IMMP2L: variants seen among roughly 807,000 people sequenced by gnomAD.
IMMP2L encodes the protein mitochondrial inner membrane protease subunit 2.
A neutral mutation model predicts 19.3 loss-of-function variants in IMMP2L; 18 were observed. The observed-to-expected ratio is 0.93, with a 90% CI of 0.64 to 1.38. The LOEUF is 1.38. Ranked by LOEUF, IMMP2L falls within the 40% of genes most tolerant of loss-of-function variation. The probability of loss-of-function intolerance (pLI) is 0.00; values close to 1 mark genes in which losing one functional copy is unlikely to be tolerated. For synonymous variants in IMMP2L, 76 were observed against 73.0 expected (o/e 1.04, Z -0.21); for missense variants, 233 against 218.2 (o/e 1.07, Z -0.43).
chr7:110,697,868 A>G (rs1396825751), intron 5 of IMMP2L, among the ~76,000 whole-genome samples: 1 of 152,198 alleles, frequency 6.6e-6, no homozygotes, highest in Non-Finnish European at 1.5e-5. Context: ...TGTGCACATT[A>G]TTTGGAAGGA....
chr7:110,962,803 T>C (rs752910932), intron 4 of IMMP2L: 196 of 1,186,912 alleles, frequency 1.7e-4, no homozygotes, highest in Non-Finnish European at 1.9e-4. Flanking sequence ...GAAAACAGGG[T>C]CAGAAAACTT....
At chr7:111,373,936 T>A (rs1400240293) in intron 3 of IMMP2L, among the ~76,000 whole-genome samples, 2 of 151,996 alleles carry the variant, frequency 1.3e-5, no homozygotes, top group Non-Finnish European at 2.9e-5. Context: ...CAAATCGAAG[T>A]TGAGGTGGGT....
intron 3 of IMMP2L, among the ~76,000 whole-genome samples, chr7:111,253,119 A>C (rs1047477548): frequency 6.6e-6 from 1 of 152,194 alleles, no homozygotes; most frequent in African/African-American, 2.4e-5. Context: ...AAGCCAATAA[A>C]ATTTAACATG....
At chr7:111,475,032 A>G (rs1841599452) in intron 3 of IMMP2L, among the ~76,000 whole-genome samples, 1 of 152,154 alleles carries the variant, frequency 6.6e-6, no homozygotes, top group South Asian at 2.1e-4. Flanking sequence ...ACAGAAAGCC[A>G]TATTATAATT....
chr7:110,696,529 C>T (rs557278910), intron 5 of IMMP2L, among the ~76,000 whole-genome samples: 2 of 147,640 alleles, frequency 1.4e-5, no homozygotes, highest in Admixed American at 7.1e-5. Flanking sequence ...CAGGTTCAAG[C>T]GATTCTCCTG....
At chr7:110,830,365 T>G (rs1200716601) in intron 5 of IMMP2L, among the ~76,000 whole-genome samples, 2 of 152,018 alleles carry the variant, frequency 1.3e-5, no homozygotes, top group Admixed American at 1.3e-4. Context: ...AGGACAAACG[T>G]GTTGGACTTC....
chr7:111,044,187 T>C (rs1442393261), intron 3 of IMMP2L, among the ~76,000 whole-genome samples: 5 of 152,196 alleles, frequency 3.3e-5, no homozygotes, highest in Non-Finnish European at 7.3e-5. Context: ...CCTTCATATA[T>C]TATGGAATAG....
At chr7:111,380,520 G>A (rs964339282) in intron 3 of IMMP2L, among the ~76,000 whole-genome samples, 2 of 151,832 alleles carry the variant, frequency 1.3e-5, no homozygotes, top group East Asian at 3.9e-4. Context: ...TTAACTTCTT[G>A]AATTAACATG....
chr7:111,234,245 A>G (rs1029708034), intron 3 of IMMP2L, among the ~76,000 whole-genome samples: 1 of 152,118 alleles, frequency 6.6e-6, no homozygotes. Context: ...TCTTTCTGTT[A>G]TAGATACCTA....
At position 111,521,322 on chromosome 7, in the gene IMMP2L, T is replaced by C; in HGVS notation, c.126A>G (p.Ala42=). 6.2e-7 allele frequency: 1 copy of C among 1,612,076 alleles called. No individual in the cohort carries two copies. Among genetic ancestry groups the C allele is most frequent in the East Asian group, 2.2e-5 (1 of 44,864 alleles). ...GTTATATCATTTTCACCTGCATCGATGCTCCTTCTACTCTTGCCACACAGG... is the reference window on the plus strand; with the variant it reads ...GTTATATCATTTTCACCTGCATCGACGCTCCTTCTACTCTTGCCACACAGG... ...RVACVARVEG[A]SMQPSLNPGG... Residue 42 remains alanine, a synonymous_variant, in exon 2 of 6, where the codon GCA becomes GCG. Transcript: ENST00000405709.
chr7:111,517,963 C>T lies in IMMP2L; in HGVS notation c.135+3350G>A, dbSNP rs140321520. ...ATATAATGAAATGAATGCAGCTATA[C>T]GGCTTTATAAAAATCAAATATTTTA... is the stretch of plus-strand genomic sequence containing the variant. On this transcript the variant is annotated intron_variant, in intron 2 of 5. Transcript: ENST00000405709. Among the ~76,000 whole-genome samples, 570 of 152,166 alleles carry T rather than the reference C, an allele frequency of 3.7e-3. 7 individuals carry two copies. Among genetic ancestry groups the T allele is most frequent in the African/African-American group, 0.013 (545 of 41,530 alleles).
chr7:111,200,982 T>A (rs905260887), intron 3 of IMMP2L, among the ~76,000 whole-genome samples: 1 of 152,186 alleles, frequency 6.6e-6, no homozygotes, highest in Non-Finnish European at 1.5e-5. Context: ...CTTTTCCTTG[T>A]GGAAAATTCT....
chr7:111,233,120 G>T (rs1813894091), intron 3 of IMMP2L, among the ~76,000 whole-genome samples: 1 of 152,096 alleles, frequency 6.6e-6, no homozygotes, highest in African/African-American at 2.4e-5. Context: ...ATAAATGTCT[G>T]CTAGATGAAT....
At chr7:110,776,124 G>A (rs1322302794) in intron 5 of IMMP2L, among the ~76,000 whole-genome samples, 1 of 151,876 alleles carries the variant, frequency 6.6e-6, no homozygotes, top group East Asian at 1.9e-4. Context: ...TATCTCTAAT[G>A]TACACCCTAT....
At chr7:111,115,685 TAGAC>T (rs1241165571) in intron 3 of IMMP2L, among the ~76,000 whole-genome samples, 6 of 151,962 alleles carry the variant, frequency 3.9e-5, no homozygotes, top group Non-Finnish European at 7.4e-5. Context: ...ATATATTTCT[TAGAC>T]AGACTCACAC....
chr7:111,196,136 A>C (rs1019946894), intron 3 of IMMP2L, among the ~76,000 whole-genome samples: 1 of 152,144 alleles, frequency 6.6e-6, no homozygotes, highest in African/African-American at 2.4e-5. Context: ...AGCCTCCCAA[A>C]GTGCTGGGAT....
chr7:111,386,782 A>G (rs1831801540), intron 3 of IMMP2L, among the ~76,000 whole-genome samples: 1 of 152,192 alleles, frequency 6.6e-6, no homozygotes, highest in African/African-American at 2.4e-5. Flanking sequence ...AAGGTTATGT[A>G]TAACCAAGAT....
intron 4 of IMMP2L, among the ~76,000 whole-genome samples, chr7:110,939,067 C>T (rs1263220034): frequency 6.6e-6 from 1 of 151,954 alleles, no homozygotes; most frequent in Non-Finnish European, 1.5e-5. Context: ...ATAGAGCTCC[C>T]AAAGCTGACT....
chr7:110,751,228 GAC>G (rs531971398), intron 5 of IMMP2L, among the ~76,000 whole-genome samples: 1 of 150,526 alleles, frequency 6.6e-6, no homozygotes, highest in East Asian at 1.9e-4. Flanking sequence ...ATTATGGAAA[GAC>G]AGTGCATTAG....
Sources: allele counts gnomAD v4.1 joint callset (sites outside exome capture counted in the v4.1 genomes callset), GRCh38; gene constraint gnomAD v4.1.1; transcripts MANE v1.5; gene names NCBI Gene and HGNC (gene_info 2026-07-23, HGNC 2026-07-21).